USP36: variants seen among roughly 807,000 people sequenced by gnomAD.
The protein encoded by USP36 is ubiquitin carboxyl-terminal hydrolase 36.
USP36 carries 59 observed loss-of-function variants against 111.5 expected under a neutral mutation model. That is an observed-to-expected ratio of 0.53 (90% CI 0.43 to 0.66). USP36 has a LOEUF of 0.66. Ranked by LOEUF, USP36 falls within the 30% of genes least tolerant of loss-of-function variation. The pLI is 0.00. For synonymous variants in USP36, 628 were observed against 581.0 expected (o/e 1.08, Z -1.16); for missense variants, 1,488 against 1,468.0 (o/e 1.01, Z -0.22).
In USP36 at chr17:78,820,603, CG is replaced by C. The variant is rs1456403871; in HGVS notation, c.828+387del. ...GCCCAGCAAAGGCAGACCACCCTCC[CG>C]CACCCTGTAGCTGCAGCAGGATGTG... is the stretch of plus-strand genomic sequence containing the variant. On this transcript the variant is annotated intron_variant, in intron 8 of 20. Coordinates refer to ENST00000449938, the MANE Select transcript of USP36 (RefSeq NM_001385174.1). Among the ~76,000 whole-genome samples, 3 of 152,306 alleles carry C rather than the reference CG, an allele frequency of 2.0e-5. No individual in the cohort carries two copies. In the South Asian group the frequency reaches 6.2e-4, roughly 32 times the overall value.
chr17:78,806,872 C>A, intron 14 of USP36, 87 bp downstream of exon 14: 1 of 1,524,896 alleles, frequency 6.6e-7, no homozygotes, highest in Non-Finnish European at 8.9e-7. Flanking sequence ...AGCCCCCGGA[C>A]AATGTTCTCA....
rs147129971 is a variant in USP36 at position 78,833,633 on chromosome 17, A to G, written c.475+1647T>C. 1.8e-3 allele frequency among the ~76,000 whole-genome samples: 280 copies of G among 152,324 alleles called. 2 individuals carry two copies. The highest frequency in any genetic ancestry group is 6.5e-3 in the African/African-American group (270 of 41,566). On this transcript the variant is annotated intron_variant, in intron 4 of 20. Transcript: ENST00000449938. ...AACTGGGAAGCAAACCCTACAGGCC[A>G]GGCTCCTGAGCTGTGTTTTCAACTG... is the stretch of plus-strand genomic sequence containing the variant.
chr17:78,798,571 C>A lies in USP36; in HGVS notation c.3241-20G>T, dbSNP rs764679451. 1.9e-6 allele frequency: 3 copies of A among 1,609,826 alleles called. No individual in the cohort carries two copies. The highest frequency in any genetic ancestry group is 3.3e-5 in the Admixed American group (2 of 59,844). On this transcript the variant is annotated intron_variant, in intron 19 of 20. Transcript: ENST00000449938. This position sits in a 1 kb window ranked among gnomAD's most constrained non-coding sequence, Gnocchi z 5.1. ...CTTTTCCTAGACCAAGAATCACAGGCATCACAGTTCCCAAAAACGGCTCTT... is the reference window on the plus strand; with the variant it reads ...CTTTTCCTAGACCAAGAATCACAGGAATCACAGTTCCCAAAAACGGCTCTT...
At chr17:78,834,864 C>A (rs2068500005) in intron 4 of USP36, among the ~76,000 whole-genome samples, 1 of 151,870 alleles carries the variant, frequency 6.6e-6, no homozygotes, top group Non-Finnish European at 1.5e-5. Flanking sequence ...ACTTATAATC[C>A]CAGCACTTTG....
rs369804184 is a variant in USP36, at chr17:78,803,643, C to T, written c.2552G>A (p.Arg851His). Reference sequence around the variant, plus strand: ...GGCGCTGGCAGCTGTGTCCTCCGGGCGCTTCTTCTTCTTCCTCTTCCTCTT... The same window carrying T: ...GGCGCTGGCAGCTGTGTCCTCCGGGTGCTTCTTCTTCTTCCTCTTCCTCTT... ...HGKRKRKKKK[R>H]PEDTAASALQ... The change falls in exon 16 of 21, where the codon CGC (arginine) becomes CAC (histidine). Residue 851 changes from arginine (R) to histidine (H), a missense_variant. Around this residue, in one of 3 missense-constraint regions of USP36, gnomAD observed 1,073 missense variants for 994.1 expected, o/e 1.08. Transcript: ENST00000449938. This position sits in a 1 kb window ranked among gnomAD's most constrained non-coding sequence, Gnocchi z 4.6. 24 of 1,609,946 alleles carry T rather than the reference C, an allele frequency of 1.5e-5. No individual in the cohort carries two copies. Among genetic ancestry groups the T allele is most frequent in the South Asian group, 7.7e-5 (7 of 90,974 alleles).
At chr17:78,817,228 C>T (rs983955126) in intron 10 of USP36, among the ~76,000 whole-genome samples, 12 of 152,216 alleles carry the variant, frequency 7.9e-5, no homozygotes, top group Admixed American at 6.5e-5. Flanking sequence ...TGTGTAAATG[C>T]ACTCTATGAT....
At chr17:78,808,670 GTA>G (rs889832878) in intron 13 of USP36, among the ~76,000 whole-genome samples, 3 of 152,116 alleles carry the variant, frequency 2.0e-5, no homozygotes, top group African/African-American at 7.2e-5. Flanking sequence ...ATACTGTACA[GTA>G]TATGTGTGTG....
At chr17:78,812,544 A>G (rs1229684057) in intron 13 of USP36, among the ~76,000 whole-genome samples, 1 of 151,716 alleles carries the variant, frequency 6.6e-6, no homozygotes, top group East Asian at 1.9e-4. Context: ...AAAAAAAATT[A>G]GCCGGGCGTG....
intron 6 of USP36, among the ~76,000 whole-genome samples, chr17:78,823,894 C>A (rs139150225): frequency 2.6e-5 from 4 of 152,194 alleles, no homozygotes; most frequent in African/African-American, 9.7e-5. Flanking sequence ...GAAAACCAGC[C>A]GACCCACAAG....
downstream of USP36, among the ~76,000 whole-genome samples, chr17:78,795,007 G>A (rs1171151610): frequency 9.0e-5 from 13 of 145,228 alleles, no homozygotes; most frequent in Admixed American, 2.0e-4. The surrounding 1 kb of genome is among the most constrained non-coding windows in gnomAD (Gnocchi z 4.5). Context: ...GACTCTGTTC[G>A]GGAAAAAAAA....
Position 78,803,822 on chromosome 17 carries a change from A to C in USP36, c.2373T>G (p.Leu791=). 6.2e-7 allele frequency: 1 copy of C among 1,612,594 alleles called. No homozygotes were observed. Among genetic ancestry groups the C allele is most frequent in the Middle Eastern group, 1.7e-4 (1 of 6,006 alleles). The change falls in exon 16 of 21, where the codon CTT becomes CTG. Residue 791 remains leucine (L), a synonymous_variant. Transcript: ENST00000449938. The surrounding 1 kb of genome is among the most constrained non-coding windows in gnomAD (Gnocchi z 4.6). ...STALPQVNED[L]VSLPHQLPEA... Reference sequence around the variant, plus strand: ...CTGGCAACTGGTGTGGAAGAGACACAAGGTCCTCGTTGACCTGAGGCAGCG... The same window carrying C: ...CTGGCAACTGGTGTGGAAGAGACACCAGGTCCTCGTTGACCTGAGGCAGCG...
rs775407082 is a variant in USP36, at chr17:78,807,454, G to A, written c.1590C>T (p.Asp530=). The A allele has an allele frequency of 2.4e-5, 39 of 1,614,094 alleles. No individual in the cohort carries two copies. Among genetic ancestry groups the A allele is most frequent in the Middle Eastern group, 1.6e-4 (1 of 6,062 alleles). The stretch of plus-strand genomic sequence containing the variant: ...GCTTCTTCACCTTCTTTCCAGGGTC[G>A]TCTAGGATGGTTGGCATGTGTGTGG... The part of the protein sequence containing the change: ...QTPTHMPTIL[D]DPGKKVKKPA... The change falls in exon 14 of 21, where the codon GAC becomes GAT. Residue 530 remains aspartate (D), a synonymous_variant. Transcript: ENST00000449938.
At chr17:78,821,806 T>A in intron 7 of USP36, 131 bp downstream of exon 7, 2 of 1,012,900 alleles carry the variant, frequency 2.0e-6, no homozygotes, top group East Asian at 2.6e-5. Flanking sequence ...AAACCATGGC[T>A]CAAGACCTCA....
chr17:78,828,737 G>GCT (rs2067806387), intron 5 of USP36, among the ~76,000 whole-genome samples, 160 bp downstream of exon 5: 1 of 152,196 alleles, frequency 6.6e-6, no homozygotes, highest in Admixed American at 6.5e-5. Flanking sequence ...TGGCACAGTG[G>GCT]CTCGTGTCTG....
chr17:78,801,212 G>A (rs1203231538), intron 17 of USP36, among the ~76,000 whole-genome samples: 1 of 152,012 alleles, frequency 6.6e-6, no homozygotes, highest in African/African-American at 2.4e-5. Context: ...TCCTAACCTT[G>A]TGATCCGCCC....
intron 3 of USP36, 89 bp downstream of exon 3, chr17:78,836,021 GT>G: frequency 2.0e-6 from 3 of 1,536,798 alleles, no homozygotes; most frequent in South Asian, 2.5e-5. Flanking sequence ...ACATTCTCTT[GT>G]TTTTCCTACT....
intron 1 of USP36, among the ~76,000 whole-genome samples, chr17:78,840,147 G>A (rs2069123053): frequency 6.6e-6 from 1 of 152,132 alleles, no homozygotes; most frequent in South Asian, 2.1e-4. Flanking sequence ...GCATGGCTCC[G>A]TGGCGAGCGT....
intron 10 of USP36, among the ~76,000 whole-genome samples, chr17:78,818,373 C>G (rs1350319972): frequency 1.3e-5 from 2 of 152,154 alleles, no homozygotes; most frequent in Non-Finnish European, 2.9e-5. Flanking sequence ...TGCAAAAATG[C>G]AGATTCCTGG....
intron 17 of USP36, 40 bp downstream of exon 17, chr17:78,802,284 G>A (rs1477031140): frequency 1.3e-6 from 2 of 1,523,662 alleles, no homozygotes; most frequent in East Asian, 2.5e-5. Context: ...CTCGCCCGGT[G>A]CACACCCATG....
Sources: gnomAD v4.1 joint callset for allele counts (sites outside exome capture counted in the v4.1 genomes callset) on GRCh38, gnomAD v4.1.1 for gene constraint, gnomAD v4.1.1 regional missense constraint, Gnocchi (gnomAD v3.1) non-coding constraint, MANE v1.5 for transcripts, NCBI Gene and HGNC (gene_info 2026-07-23, HGNC 2026-07-21) for gene names.